Variants in WRAP73 observed in about 807,000 individuals in gnomAD.
The protein encoded by WRAP73 is WD repeat-containing protein WRAP73.
Under a neutral mutation model 59.6 loss-of-function variants are expected in WRAP73, and 55 were observed. The observed-to-expected ratio is 0.92, with a 90% CI of 0.74 to 1.15. The LOEUF is 1.15. Ranked by LOEUF, WRAP73 falls within the 50% of genes most tolerant of loss-of-function variation. The probability of loss-of-function intolerance (pLI) is 0.00; values close to 1 mark genes in which losing one functional copy is unlikely to be tolerated. For synonymous variants in WRAP73, 265 were observed against 258.2 expected, an observed-to-expected ratio of 1.03 and a Z score of -0.25; for missense variants, 592 against 608.1, an observed-to-expected ratio of 0.97 and a Z score of 0.28.
At chr1:3,634,693 G>A in intron 8 of WRAP73, 1 of 394,734 alleles carries the variant, frequency 2.5e-6, no homozygotes, top group Non-Finnish European at 4.8e-6. Flanking sequence ...AGGAGACCCT[G>A]GCCACTCTGT....
intron 8 of WRAP73, chr1:3,634,554 C>T (rs1644571539): frequency 1.5e-5 from 3 of 195,620 alleles, no homozygotes; most frequent in Non-Finnish European, 3.2e-5. Flanking sequence ...CGTGGAGACA[C>T]CCAGCTCTCC....
chr1:3,648,815 A>AG (rs1328978066), intron 1 of WRAP73, among the ~76,000 whole-genome samples: 2 of 152,204 alleles, frequency 1.3e-5, no homozygotes, highest in African/African-American at 4.8e-5. Flanking sequence ...TTAATTGAGG[A>AG]GGGGGGCACA....
At chr1:3,640,092 A>G (rs1290551569) in intron 3 of WRAP73, among the ~76,000 whole-genome samples, 1 of 152,236 alleles carries the variant, frequency 6.6e-6, no homozygotes, top group East Asian at 1.9e-4. Context: ...AGCGTTCAGG[A>G]GAGAAGTCCT....
chr1:3,641,637 G>A (rs1644647487), intron 3 of WRAP73, among the ~76,000 whole-genome samples: 1 of 152,226 alleles, frequency 6.6e-6, no homozygotes, highest in African/African-American at 2.4e-5. Context: ...CCATGCCACG[G>A]GCGAACAGTC....
intron 11 of WRAP73, 158 bp from the exon 12 acceptor site, chr1:3,631,275 T>G (rs189289770): frequency 2.2e-6 from 3 of 1,360,914 alleles, no homozygotes; most frequent in Non-Finnish European, 3.0e-6. Flanking sequence ...AGGGAGAGGC[T>G]GCTTCTAGCC....
chr1:3,645,034 C>T (rs540130330), intron 3 of WRAP73, among the ~76,000 whole-genome samples: 38 of 152,312 alleles, frequency 2.5e-4, no homozygotes, highest in East Asian at 1.4e-3. Flanking sequence ...ATACATAGTG[C>T]GGAGACATTG....
In WRAP73 at chr1:3,630,912, G is replaced by A; in HGVS notation, c.*63C>T. The A allele has an allele frequency of 6.4e-7, 1 of 1,562,470 alleles. No individual in the cohort carries two copies. The highest frequency in any genetic ancestry group is 8.7e-7 in the Non-Finnish European group (1 of 1,150,698). On this transcript the variant is annotated 3_prime_UTR_variant, in exon 12 of 12. Transcript: ENST00000270708. ...CAGTGGAGAACCTCCTGGTGAAGCTGTGTTTTTTCCCACACTGGAAACACA... is the reference window on the plus strand; with the variant it reads ...CAGTGGAGAACCTCCTGGTGAAGCTATGTTTTTTCCCACACTGGAAACACA...
At chr1:3,647,684 GATCACCA>G in intron 1 of WRAP73, 124 bp from the exon 2 acceptor site, 1 of 1,018,542 alleles carries the variant, frequency 9.8e-7, no homozygotes. Flanking sequence ...TTCATGTCTA[GATCACCA>G]GTGACATCCC....
At position 3,647,546 on chromosome 1, in the gene WRAP73, C is replaced by T; in HGVS notation, c.84G>A (p.Gln28=). 1.2e-6 allele frequency: 2 copies of T among 1,613,070 alleles called. No individual in the cohort carries two copies. Among genetic ancestry groups the T allele is most frequent in the Non-Finnish European group, 8.5e-7 (1 of 1,179,672 alleles). Residue 28 remains glutamine (Q), a synonymous_variant, in exon 2 of 12, where the codon CAG becomes CAA. Transcript: ENST00000270708. ...TCACATCCCGGACCACTAACCGGTA[C>T]TGGACACAGGAAGCCTAAAAAATAT... The part of the protein sequence containing the change: ...PDGKYLASCV[Q]YRLVVRDVNT...
At position 3,637,110 on chromosome 1, in the gene WRAP73, G is replaced by A. The variant is rs1177970573; in HGVS notation, c.413-12C>T. The A allele has an allele frequency of 6.3e-7, 1 of 1,598,446 alleles. No homozygotes were observed. ...GGTGAAGGTGATTCCTGTGGGAAGA[G>A]GCAAATGCACTGAAATCAAGCGGCC... On this transcript the variant is annotated splice_polypyrimidine_tract_variant and intron_variant, in intron 4 of 11. Transcript: ENST00000270708.
chr1:3,638,678 T>C (rs902641262), intron 4 of WRAP73, 72 bp downstream of exon 4: 7 of 1,577,226 alleles, frequency 4.4e-6, no homozygotes, highest in East Asian at 2.2e-5. Context: ...TTCTGCCTCT[T>C]TGAAACTTCC....
intron 8 of WRAP73, 84 bp downstream of exon 8, chr1:3,634,913 A>C: frequency 6.7e-7 from 1 of 1,497,314 alleles, no homozygotes; most frequent in Non-Finnish European, 9.3e-7. Context: ...AATAAACCAC[A>C]ATCAAGAAAG....
chr1:3,647,231 T>C, intron 2 of WRAP73, 177 bp downstream of exon 2: 1 of 679,484 alleles, frequency 1.5e-6, no homozygotes, highest in Non-Finnish European at 2.3e-6. Context: ...TAAGACTACG[T>C]TGGAGTTTCC....
chr1:3,647,153 AAC>A (rs1356114088), intron 2 of WRAP73: 1 of 476,346 alleles, frequency 2.1e-6, no homozygotes, highest in Non-Finnish European at 3.7e-6. Context: ...GACTTCCTGA[AAC>A]ACACCACATC....
At position 3,631,079 on chromosome 1, in the gene WRAP73, C is replaced by T. The variant is rs577574502; in HGVS notation, c.1279G>A (p.Gly427Arg). The change falls in exon 12 of 12, where the codon GGA becomes AGA. Residue 427 changes from glycine (G) to arginine (R), a missense_variant. Coordinates refer to ENST00000270708, the MANE Select transcript of WRAP73 (RefSeq NM_017818.4). ...AVLSLCWHLSGDSMALLSKDH... is the reference protein window; with the variant it reads ...AVLSLCWHLSRDSMALLSKDH... ...TTGCTGAGGAGGGCCATCGAGTCTCCGCTTAAATGCCAGCACAGAGAGAGC... is the reference window on the plus strand; with the variant it reads ...TTGCTGAGGAGGGCCATCGAGTCTCTGCTTAAATGCCAGCACAGAGAGAGC... 6.2e-6 allele frequency: 10 copies of T among 1,613,350 alleles called. No homozygotes were observed. The highest frequency in any genetic ancestry group is 1.6e-4 in the Middle Eastern group (1 of 6,062).
chr1:3,636,147 T>C, intron 5 of WRAP73, 117 bp from the exon 6 acceptor site: 2 of 729,656 alleles, frequency 2.7e-6, no homozygotes, highest in Non-Finnish European at 4.6e-6. Flanking sequence ...ATTGACAAAA[T>C]CTCAACAGCT....
At chr1:3,633,202 C>T (rs895431359) in intron 9 of WRAP73, 196 bp downstream of exon 9, 14 of 588,974 alleles carry the variant, frequency 2.4e-5, no homozygotes, top group African/African-American at 1.3e-4. Context: ...TAACAGAAGC[C>T]GCACCTTCAC....
At chr1:3,632,404 G>A (rs1212424463) in intron 9 of WRAP73, 66 bp from the exon 10 acceptor site, 1 of 1,611,630 alleles carries the variant, frequency 6.2e-7, no homozygotes, top group Non-Finnish European at 8.5e-7. Flanking sequence ...CGGCTGAGAG[G>A]CTGCTGTGCC....
chr1:3,636,799 G>A (rs753438494), intron 5 of WRAP73, 196 bp downstream of exon 5: 27 of 677,118 alleles, frequency 4.0e-5, no homozygotes, highest in South Asian at 1.1e-4. Flanking sequence ...CTGGGCACGC[G>A]TCCTTTTCAC....
Sources: allele counts gnomAD v4.1 joint callset (sites outside exome capture counted in the v4.1 genomes callset), GRCh38; gene constraint gnomAD v4.1.1; transcripts MANE v1.5; gene names NCBI Gene and HGNC (gene_info 2026-07-23, HGNC 2026-07-21).